The following FBN2 variants were observed in gnomAD, a reference collection of about 807,000 sequenced individuals.
FBN2 encodes fibrillin 2, also known as fibrillin-2.
FBN2 carries 105 observed loss-of-function variants against 355.6 expected under a neutral mutation model. The observed-to-expected ratio is 0.30, with a 90% confidence interval of 0.25 to 0.35. The LOEUF (loss-of-function observed/expected upper bound fraction) is 0.35. FBN2 is among the 10% of genes least tolerant of loss of function. FBN2 has a pLI of 1.00. For synonymous variants in FBN2, 1,350 were observed against 1,301.2 expected (o/e 1.04, Z -0.81); for missense variants, 3,280 against 3,758.7 (o/e 0.87, Z 3.33).
intron 20 of FBN2, among the ~76,000 whole-genome samples, chr5:128,356,228 C>T (rs1320499366): frequency 6.6e-6 from 1 of 151,902 alleles, no homozygotes; most frequent in Non-Finnish European, 1.5e-5. Flanking sequence ...CTGAACAAGG[C>T]TCAGATTTCA....
chr5:128,467,215 G>C (rs1354878450), intron 5 of FBN2, among the ~76,000 whole-genome samples: 1 of 152,254 alleles, frequency 6.6e-6, no homozygotes, highest in Non-Finnish European at 1.5e-5. Context: ...GACAAGGACA[G>C]CTGTTTGTCC....
At chr5:128,439,723 T>C (rs1216929830) in intron 7 of FBN2, among the ~76,000 whole-genome samples, 2 of 152,060 alleles carry the variant, frequency 1.3e-5, no homozygotes, top group African/African-American at 4.8e-5. Flanking sequence ...TATTGCCATG[T>C]AATTTATTTT....
chr5:128,281,590 G>A (rs140370498), intron 55 of FBN2, among the ~76,000 whole-genome samples: 1 of 152,126 alleles, frequency 6.6e-6, no homozygotes, highest in Admixed American at 6.5e-5. Context: ...AAATTAATGA[G>A]GCTTACTGGT....
chr5:128,537,632 A>T lies in FBN2; in HGVS notation c.-29T>A. The T allele has an allele frequency of 6.3e-7, 1 of 1,599,406 alleles. No individual in the cohort carries two copies. The highest frequency in any genetic ancestry group is 8.5e-7 in the Non-Finnish European group (1 of 1,173,604). ...CGGCGCCGAAAGCGCGCGGCCGTAG[A>T]CCCGCGGAGAGGGAGTGATCAAAGA... On this transcript the variant is annotated 5_prime_UTR_variant, in exon 1 of 65. Transcript: ENST00000262464.
At position 128,378,966 on chromosome 5, in the gene FBN2, C is replaced by A. The variant is rs1752158675; in HGVS notation, c.1604-76G>T. ...GTTTGTTTAAAGTACATTTAGTCCT[C>A]TAAAGTTTGAGAGAAGGCCAGTCAG... On this transcript the variant is annotated intron_variant, in intron 11 of 64. Coordinates refer to ENST00000262464, the MANE Select transcript of FBN2 (RefSeq NM_001999.4). 6 of 1,560,216 alleles carry A rather than the reference C, an allele frequency of 3.8e-6. No homozygotes were observed. The South Asian group carries it at 6.7e-5, about 17-fold the overall frequency.
At chr5:128,422,924 G>A (rs1233102994) in intron 7 of FBN2, among the ~76,000 whole-genome samples, 2 of 152,068 alleles carry the variant, frequency 1.3e-5, no homozygotes, top group Non-Finnish European at 2.9e-5. Context: ...AGATGCAGCT[G>A]GTTTCAAAAT....
intron 48 of FBN2, among the ~76,000 whole-genome samples, chr5:128,295,929 A>G (rs1749494607): frequency 6.9e-6 from 1 of 144,768 alleles, no homozygotes; most frequent in African/African-American, 2.6e-5. Context: ...TTCAAAGGGA[A>G]TGCTTCCAGT....
At chr5:128,427,791 C>G (rs1467378263) in intron 7 of FBN2, among the ~76,000 whole-genome samples, 1 of 152,126 alleles carries the variant, frequency 6.6e-6, no homozygotes, top group Non-Finnish European at 1.5e-5. Context: ...GGGTCTGAAG[C>G]ACGAGCTGCC....
intron 41 of FBN2, among the ~76,000 whole-genome samples, chr5:128,308,840 T>TA (rs1025527935): frequency 3.3e-5 from 5 of 151,660 alleles, no homozygotes; most frequent in South Asian, 2.1e-4. Flanking sequence ...ACGGCTGAAC[T>TA]AAAAAAAAAT....
intron 5 of FBN2, among the ~76,000 whole-genome samples, chr5:128,490,081 T>C (rs969284574): frequency 6.6e-6 from 1 of 152,164 alleles, no homozygotes; most frequent in African/African-American, 2.4e-5. Context: ...TCATATTACT[T>C]AGATATGAAT....
At chr5:128,377,977 ACTT>A (rs2126959020) in intron 12 of FBN2, 100 bp from the exon 13 acceptor site, 1 of 1,200,234 alleles carries the variant, frequency 8.3e-7, no homozygotes, top group East Asian at 2.5e-5. Flanking sequence ...AAATCATGTT[ACTT>A]CTTTAGCAAA....
intron 15 of FBN2, among the ~76,000 whole-genome samples, chr5:128,369,853 C>T (rs1751885357): frequency 6.6e-6 from 1 of 152,158 alleles, no homozygotes; most frequent in South Asian, 2.1e-4. Context: ...CTGTTTTAAC[C>T]TCAGAAACTC....
chr5:128,399,063 T>C (rs965524369), intron 8 of FBN2, among the ~76,000 whole-genome samples: 2 of 152,150 alleles, frequency 1.3e-5, no homozygotes, highest in Non-Finnish European at 2.9e-5. Flanking sequence ...ATAAGAGTAC[T>C]AGGAAGAGTA....
intron 5 of FBN2, among the ~76,000 whole-genome samples, chr5:128,512,251 C>T (rs912809717): frequency 1.3e-5 from 2 of 152,240 alleles, no homozygotes; most frequent in African/African-American, 4.8e-5. Flanking sequence ...GTGGCTTAAG[C>T]CTGTAATCCC....
chr5:128,336,761 A>G (rs1024496324), intron 27 of FBN2, among the ~76,000 whole-genome samples: 12 of 152,222 alleles, frequency 7.9e-5, no homozygotes, highest in African/African-American at 2.7e-4. Context: ...CCTTAAAAAT[A>G]AACTAGTACC....
Position 128,453,990 on chromosome 5 carries a change from G to GCC in FBN2, c.827-7386_827-7385dup, listed in dbSNP as rs71713253. 7.9e-4 allele frequency among the ~76,000 whole-genome samples: 114 copies of GCC among 144,986 alleles called. 1 individual carries two copies. Among genetic ancestry groups the GCC allele is most frequent in the East Asian group, 4.4e-3 (22 of 4,970 alleles). ...GGAGTAGAATACTCAGAAATGGCTT[G>GCC]CCCCCCCCCCAAGTTTCTCCTTCCA... is the stretch of plus-strand genomic sequence containing the variant. On this transcript the variant is annotated intron_variant, in intron 6 of 64. Coordinates refer to ENST00000262464, the MANE Select transcript of FBN2 (RefSeq NM_001999.4).
chr5:128,289,457 G>A (rs767739644), intron 51 of FBN2, among the ~76,000 whole-genome samples: 7 of 151,942 alleles, frequency 4.6e-5, no homozygotes, highest in Non-Finnish European at 5.9e-5. Context: ...GCATGGTGGC[G>A]CACACCTGTA....
intron 5 of FBN2, among the ~76,000 whole-genome samples, chr5:128,494,226 A>G (rs1216686610): frequency 1.3e-5 from 2 of 152,192 alleles, no homozygotes; most frequent in Non-Finnish European, 2.9e-5. Context: ...CCAAAGAGAA[A>G]GGCAGGCCCA....
In FBN2 at chr5:128,292,494, G is replaced by A. The variant is rs148678193; in HGVS notation, c.6167-840C>T. ...CTGTTGCACCTTTAGCTCCTAGCAC[G>A]GTATCTGGCACACACAAGTTCTCAA... On this transcript the variant is annotated intron_variant, in intron 48 of 64. Transcript: ENST00000262464. Among the ~76,000 whole-genome samples, 625 of 152,134 alleles carry A rather than the reference G, an allele frequency of 4.1e-3. 5 individuals are homozygous for A. The highest frequency in any genetic ancestry group is 0.014 in the African/African-American group (593 of 41,498).
Sources: allele counts gnomAD v4.1 joint callset (sites outside exome capture counted in the v4.1 genomes callset), GRCh38; gene constraint gnomAD v4.1.1; transcripts MANE v1.5; gene names NCBI Gene and HGNC (gene_info 2026-07-23, HGNC 2026-07-21).